Variants in ZNF395 observed in about 807,000 individuals in gnomAD.
ZNF395 encodes HD gene regulatory region-binding protein 2.
In ZNF395, 20 loss-of-function variants were observed where a neutral mutation model predicts 57.7. The ratio of observed to expected loss-of-function variants is 0.35; its 90% CI spans 0.24 to 0.50. ZNF395 has a LOEUF of 0.50. Ranked by LOEUF, ZNF395 falls within the 20% of genes least tolerant of loss-of-function variation. The probability of loss-of-function intolerance (pLI) is 0.97; values close to 1 mark genes in which losing one functional copy is unlikely to be tolerated. For missense variants in ZNF395, 606 were observed against 671.2 expected, an observed-to-expected ratio of 0.90 and a Z score of 1.07; for synonymous variants, 295 against 275.9, an observed-to-expected ratio of 1.07 and a Z score of -0.69.
At chr8:28,383,683 A>G (rs1802137573) in intron 1 of ZNF395, among the ~76,000 whole-genome samples, 1 of 152,052 alleles carries the variant, frequency 6.6e-6, no homozygotes, top group Admixed American at 6.6e-5. Flanking sequence ...TCAGGCCTTG[A>G]GTACCACTCA....
chr8:28,373,694 G>A (rs138485296), intron 1 of ZNF395, among the ~76,000 whole-genome samples: 2 of 152,230 alleles, frequency 1.3e-5, no homozygotes, highest in East Asian at 1.9e-4. Flanking sequence ...GTTGGGGGGC[G>A]GGAACCAGGT....
chr8:28,382,263 AT>A (rs748586577), intron 1 of ZNF395, among the ~76,000 whole-genome samples: 7 of 151,866 alleles, frequency 4.6e-5, no homozygotes, highest in East Asian at 1.9e-4. Flanking sequence ...ATTTTTCTGT[AT>A]TTTTTCCCCC....
intron 1 of ZNF395, among the ~76,000 whole-genome samples, chr8:28,364,389 G>A (rs1001995169): frequency 2.6e-5 from 4 of 152,126 alleles, no homozygotes; most frequent in Non-Finnish European, 5.9e-5. Flanking sequence ...AGTGGCTCAC[G>A]CCTGTAATCC....
rs764357145 is a variant in ZNF395, at chr8:28,349,252, G to A, written c.1327-24C>T. ...ACCTGGGCGTGGGGAGAGGGGCTGT[G>A]AGCACAGGGACATTCAGGAAAGGTG... is the stretch of plus-strand genomic sequence containing the variant. On this transcript the variant is annotated intron_variant, in intron 8 of 9. Coordinates refer to ENST00000344423, the MANE Select transcript of ZNF395 (RefSeq NM_018660.3). The A allele has an allele frequency of 4.0e-6, 6 of 1,507,040 alleles. No homozygotes were observed. The African/African-American group carries it at 7.0e-5, about 18-fold the overall frequency. 93.4% of individuals were successfully genotyped at this position (1,507,040 alleles called of 1,614,324 possible).
intron 1 of ZNF395, among the ~76,000 whole-genome samples, chr8:28,367,754 C>T (rs1466734123): frequency 1.3e-5 from 2 of 152,178 alleles, no homozygotes; most frequent in East Asian, 3.9e-4. Context: ...TCTACTGGCA[C>T]CGATGGGACT....
intron 1 of ZNF395, among the ~76,000 whole-genome samples, chr8:28,373,915 T>G (rs1802007153): frequency 6.6e-6 from 1 of 152,188 alleles, no homozygotes; most frequent in African/African-American, 2.4e-5. Context: ...GACCCCATAA[T>G]GCATCTTTGT....
intron 1 of ZNF395, among the ~76,000 whole-genome samples, chr8:28,383,900 C>T (rs2130003548): frequency 6.6e-6 from 1 of 152,312 alleles, no homozygotes; most frequent in Middle Eastern, 3.4e-3. Context: ...TTCCTTCTCT[C>T]CAAAATACAC....
Position 28,361,115 on chromosome 8 carries a change from C to T in ZNF395, c.10G>A (p.Val4Ile). The T allele has an allele frequency of 1.2e-6, 2 of 1,612,198 alleles. No homozygotes were observed. The highest frequency in any genetic ancestry group is 1.7e-6 in the Non-Finnish European group (2 of 1,180,018). The change falls in exon 2 of 10, where the codon GTC becomes ATC. Residue 4 changes from valine (V) to isoleucine (I), a missense_variant. Transcript: ENST00000344423. ...CGCTTTCCAAGGCGTCGGGACAGGA[C>T]ACTCGCCATGCTGCTGCCTCTCCTC... MAS[V>I]LSRRLGKRSL...
Position 28,351,561 on chromosome 8 carries a change from G to C in ZNF395, c.1167C>G (p.Pro389=). The C allele has an allele frequency of 6.2e-7, 1 of 1,613,904 alleles. No individual in the cohort carries two copies. The highest frequency in any genetic ancestry group is 1.1e-5 in the South Asian group (1 of 91,086). Reference sequence around the variant, plus strand: ...GAGCTGACTTGCTGAGAGCCCCTGAGGGCAGGGAGGACTCCGGGCCAGGAT... The same window carrying C: ...GAGCTGACTTGCTGAGAGCCCCTGACGGCAGGGAGGACTCCGGGCCAGGAT... ...PEHPGPESSL[P]SGALSKSAPG... is the part of the protein sequence containing the mutation. Residue 389 remains proline, a synonymous_variant, in exon 7 of 10, where the codon CCC becomes CCG. Transcript: ENST00000344423.
intron 1 of ZNF395, among the ~76,000 whole-genome samples, chr8:28,368,013 T>C (rs1194320218): frequency 6.6e-6 from 1 of 152,126 alleles, no homozygotes; most frequent in Non-Finnish European, 1.5e-5. Flanking sequence ...CCTGCAGTGT[T>C]TTTGTAAATG....
intron 8 of ZNF395, 74 bp from the exon 9 acceptor site, chr8:28,349,302 A>T (rs1203657435): frequency 8.9e-6 from 11 of 1,242,022 alleles, no homozygotes. Flanking sequence ...AAAGACAGGC[A>T]GCCACCCGTC....
At position 28,347,088 on chromosome 8, in the gene ZNF395, A is replaced by G. The variant is rs1801613027; in HGVS notation, c.*1631T>C. On this transcript the variant is annotated 3_prime_UTR_variant, in exon 10 of 10. Transcript: ENST00000344423. ...CTACTGCCAGGTCTACAGATTTTGT[A>G]ACACTCAAAGTGTCCTGCATTAAAA... 1 of 152,158 alleles carries G rather than the reference A, an allele frequency of 6.6e-6. No individual in the cohort carries two copies. Among genetic ancestry groups the G allele is most frequent in the Non-Finnish European group, 1.5e-5 (1 of 68,034 alleles). The allele number at this position is 152,158 out of a possible 1,614,324, so 9.4% of individuals were successfully genotyped here. A position where few individuals can be genotyped will look rare whatever the true frequency, so the allele number is the denominator to read the frequency against.
chr8:28,371,843 G>A (rs1412115435), intron 1 of ZNF395, among the ~76,000 whole-genome samples: 1 of 152,172 alleles, frequency 6.6e-6, no homozygotes, highest in Non-Finnish European at 1.5e-5. Context: ...AAGGTGAGGA[G>A]TTCAAGACCA....
At chr8:28,351,958 G>C in intron 6 of ZNF395, 151 bp from the exon 7 acceptor site, 1 of 812,828 alleles carries the variant, frequency 1.2e-6, no homozygotes, top group East Asian at 2.5e-5. Flanking sequence ...CGCTCCTGAC[G>C]GGTGTCACCA....
intron 1 of ZNF395, among the ~76,000 whole-genome samples, chr8:28,377,615 G>A (rs1212253869): frequency 1.3e-5 from 2 of 152,014 alleles, no homozygotes; most frequent in African/African-American, 4.8e-5. Context: ...AATCCACAGT[G>A]CGGGACAGGA....
At chr8:28,358,590 C>G (rs1338987693) in intron 3 of ZNF395, among the ~76,000 whole-genome samples, 2 of 152,082 alleles carry the variant, frequency 1.3e-5, no homozygotes, top group East Asian at 1.9e-4. Context: ...CAAAAGCCAC[C>G]ATACCTGACT....
chr8:28,379,338 A>C (rs1435334370), intron 1 of ZNF395, among the ~76,000 whole-genome samples: 1 of 152,104 alleles, frequency 6.6e-6, no homozygotes, highest in East Asian at 1.9e-4. Context: ...TGAATTTCTG[A>C]TCCTGTTATA....
At chr8:28,355,444 ATTT>A (rs11292657) in intron 4 of ZNF395, among the ~76,000 whole-genome samples, 1 of 143,604 alleles carries the variant, frequency 7.0e-6, no homozygotes. Context: ...TTAATAGACA[ATTT>A]TTTTTTTTTT....
At position 28,351,725 on chromosome 8, in the gene ZNF395, C is replaced by A; in HGVS notation, c.1003G>T (p.Ala335Ser). Residue 335 changes from alanine to serine, a missense_variant, in exon 7 of 10, where the codon GCT (alanine) becomes TCT (serine). Transcript: ENST00000344423. ...EVQLKEESAA[A>S]AAAAAAGTPV... is the part of the protein sequence containing the mutation. The stretch of plus-strand genomic sequence containing the variant: ...GTGCCTGCGGCAGCAGCAGCAGCAG[C>A]AGCAGCAGATTCCTCCTTCAGCTGC... 1 of 1,607,576 alleles carries A rather than the reference C, an allele frequency of 6.2e-7. No homozygotes were observed. The highest frequency in any genetic ancestry group is 1.3e-5 in the African/African-American group (1 of 75,054).
Sources: allele counts gnomAD v4.1 joint callset (sites outside exome capture counted in the v4.1 genomes callset), GRCh38; gene constraint gnomAD v4.1.1; transcripts MANE v1.5; gene names NCBI Gene and HGNC (gene_info 2026-07-23, HGNC 2026-07-21).